The following PRKCE variants were observed in gnomAD, a reference collection of about 807,000 sequenced individuals.
PRKCE encodes protein kinase C epsilon.
PRKCE carries 16 observed loss-of-function variants against 85.4 expected under a neutral mutation model. The observed-to-expected ratio is 0.19, with a 90% CI of 0.13 to 0.28. The LOEUF (loss-of-function observed/expected upper bound fraction) is 0.28, where lower values mean the gene tolerates loss of function less well. Among genes scored for constraint, PRKCE ranks in the 10% least tolerant of loss-of-function variants. The pLI is 1.00. For synonymous variants in PRKCE, 388 were observed against 371.5 expected (o/e 1.04, Z -0.51); for missense variants, 573 against 975.2 (o/e 0.59, Z 5.49).
At chr2:45,873,463 AAAAAAAAAAAAAAC>A in intron 2 of PRKCE, among the ~76,000 whole-genome samples, 1 of 152,000 alleles carries the variant, frequency 6.6e-6, no homozygotes. Context: ...TGCAAAAAAA[AAAAAAAAAAAAAAC>A]AAAAAAACCT....
intron 1 of PRKCE, among the ~76,000 whole-genome samples, chr2:45,829,874 C>A (rs932816023): frequency 4.0e-5 from 6 of 151,676 alleles, no homozygotes; most frequent in African/African-American, 1.5e-4. Flanking sequence ...GAGATCGAGA[C>A]CATCCTGGCT....
intron 10 of PRKCE, among the ~76,000 whole-genome samples, chr2:46,039,326 C>T (rs1371423092): frequency 6.6e-6 from 1 of 152,206 alleles, no homozygotes; most frequent in Non-Finnish European, 1.5e-5. Context: ...CCAGTGAGAG[C>T]ATTCGTTCCA....
chr2:45,858,684 C>G (rs534358770), intron 2 of PRKCE, among the ~76,000 whole-genome samples: 2 of 152,256 alleles, frequency 1.3e-5, no homozygotes, highest in African/African-American at 4.8e-5. Flanking sequence ...ATGATTTTAG[C>G]ACCTAAATGT....
At chr2:45,695,733 T>G (rs1007856940) in intron 1 of PRKCE, among the ~76,000 whole-genome samples, 16 of 152,322 alleles carry the variant, frequency 1.1e-4, no homozygotes, top group African/African-American at 3.8e-4. Context: ...ATCACGCCAC[T>G]GAACTCCAGC....
intron 11 of PRKCE, among the ~76,000 whole-genome samples, chr2:46,140,999 T>G (rs962080755): frequency 1.3e-5 from 2 of 152,306 alleles, no homozygotes; most frequent in Non-Finnish European, 2.9e-5. Flanking sequence ...ATATACCATG[T>G]TGGGAAAGAT....
In PRKCE at chr2:46,095,177, C is replaced by A. The variant is rs1670564122; in HGVS notation, c.1592+8815C>A. On this transcript the variant is annotated intron_variant, in intron 11 of 14. Transcript: ENST00000306156. ...AACTTGGGGTTCACTGTAGACTAAT[C>A]TGGGTGGCCCACTTAGTTGGGGAAC... 3.3e-5 allele frequency among the ~76,000 whole-genome samples: 5 copies of A among 152,326 alleles called. No individual in the cohort carries two copies. In the South Asian group the frequency reaches 1.0e-3, roughly 32 times the overall value.
intron 1 of PRKCE, among the ~76,000 whole-genome samples, chr2:45,791,697 T>A (rs1687043108): frequency 6.6e-6 from 1 of 152,220 alleles, no homozygotes; most frequent in Non-Finnish European, 1.5e-5. Context: ...GTACTTTCCT[T>A]AAAGACAGCC....
intron 1 of PRKCE, among the ~76,000 whole-genome samples, chr2:45,728,031 G>C (rs1378430029): frequency 6.6e-6 from 1 of 152,200 alleles, no homozygotes; most frequent in African/African-American, 2.4e-5. Flanking sequence ...CAGGCTGAGG[G>C]AGATGGTCTC....
intron 6 of PRKCE, among the ~76,000 whole-genome samples, chr2:45,988,229 A>G (rs1574131093): frequency 6.6e-6 from 1 of 152,160 alleles, no homozygotes; most frequent in Non-Finnish European, 1.5e-5. Context: ...CTTTTTTGCC[A>G]TTCCCGTTCC....
intron 10 of PRKCE, among the ~76,000 whole-genome samples, chr2:46,070,360 A>G (rs915735298): frequency 6.6e-6 from 1 of 152,228 alleles, no homozygotes; most frequent in African/African-American, 2.4e-5. Context: ...ATGGCATTTT[A>G]TGGCTGGGCG....
At chr2:46,066,407 T>C (rs536840035) in intron 10 of PRKCE, among the ~76,000 whole-genome samples, 1 of 152,192 alleles carries the variant, frequency 6.6e-6, no homozygotes, top group East Asian at 1.9e-4. Context: ...AATAGATAGG[T>C]AGAGGTTGAA....
chr2:45,741,865 C>T (rs1023568130), intron 1 of PRKCE, among the ~76,000 whole-genome samples: 1 of 152,196 alleles, frequency 6.6e-6, no homozygotes, highest in African/African-American at 2.4e-5. Flanking sequence ...TACCAGAAGG[C>T]CATGGGTTAC....
intron 1 of PRKCE, among the ~76,000 whole-genome samples, chr2:45,678,503 C>A (rs1194595193): frequency 1.3e-5 from 2 of 151,844 alleles, no homozygotes; most frequent in Non-Finnish European, 2.9e-5. Flanking sequence ...AACTTTTTTT[C>A]AGTTGTAAGG....
chr2:45,998,560 G>A (rs1029369851), intron 6 of PRKCE, among the ~76,000 whole-genome samples: 1 of 152,080 alleles, frequency 6.6e-6, no homozygotes, highest in Non-Finnish European at 1.5e-5. Flanking sequence ...TGGGTTTCTT[G>A]TGAACAACAT....
chr2:45,870,004 C>A (rs528067551), intron 2 of PRKCE, among the ~76,000 whole-genome samples: 1 of 152,284 alleles, frequency 6.6e-6, no homozygotes, highest in African/African-American at 2.4e-5. Context: ...CTGCGCCCGG[C>A]CCCATTACAT....
intron 1 of PRKCE, among the ~76,000 whole-genome samples, chr2:45,752,528 G>A (rs546878447): frequency 3.3e-5 from 5 of 151,854 alleles, no homozygotes; most frequent in Non-Finnish European, 7.4e-5. Flanking sequence ...TTGGTTGTAT[G>A]ACGTTACGGT....
Position 45,704,106 on chromosome 2 carries a change from A to G in PRKCE, c.348+51658A>G, listed in dbSNP as rs200200982. Among the ~76,000 whole-genome samples, 6 of 152,358 alleles carry G rather than the reference A, an allele frequency of 3.9e-5. No individual in the cohort carries two copies. In the East Asian group the frequency reaches 1.2e-3, roughly 29 times the overall value. On this transcript the variant is annotated intron_variant, in intron 1 of 14. Coordinates refer to ENST00000306156, the MANE Select transcript of PRKCE (RefSeq NM_005400.3). Reference sequence around the variant, plus strand: ...TGGGCGATGCATAGCTGAATAGAAAAGGGTCAAGGAAGGCATGGCAGGGAG... The same window carrying G: ...TGGGCGATGCATAGCTGAATAGAAAGGGGTCAAGGAAGGCATGGCAGGGAG...
chr2:46,113,981 T>C (rs62127483), intron 11 of PRKCE, among the ~76,000 whole-genome samples: 7,330 of 152,286 alleles, frequency 0.048, 248 homozygotes, highest in East Asian at 0.13. Context: ...TGTTTCATTA[T>C]TTTCCTCTTA....
chr2:45,889,690 C>T (rs1695570836), intron 2 of PRKCE, among the ~76,000 whole-genome samples: 1 of 152,176 alleles, frequency 6.6e-6, no homozygotes, highest in African/African-American at 2.4e-5. Flanking sequence ...TGGGAAATGG[C>T]AGCTGCAGAA....
Sources: gnomAD v4.1 joint callset for allele counts (sites outside exome capture counted in the v4.1 genomes callset) on GRCh38, gnomAD v4.1.1 for gene constraint, MANE v1.5 for transcripts, NCBI Gene and HGNC (gene_info 2026-07-23, HGNC 2026-07-21) for gene names.